The following MTA1 variants were observed in gnomAD, a reference collection of about 807,000 sequenced individuals.
The protein encoded by MTA1 is metastasis-associated protein MTA1.
A neutral mutation model predicts 97.0 loss-of-function variants in MTA1; 15 were observed. The ratio of observed to expected loss-of-function variants is 0.15; its 90% CI spans 0.10 to 0.24. MTA1 has a LOEUF of 0.24. MTA1 is among the 10% of genes least tolerant of loss of function. The probability of loss-of-function intolerance (pLI) is 1.00; values close to 1 mark genes in which losing one functional copy is unlikely to be tolerated. For synonymous variants in MTA1, 435 were observed against 417.5 expected, an observed-to-expected ratio of 1.04 and a Z score of -0.51; for missense variants, 709 against 1,015.1, an observed-to-expected ratio of 0.70 and a Z score of 4.10.
At position 105,470,158 on chromosome 14, in the gene MTA1, G is replaced by A. The variant is rs933442109; in HGVS notation, c.2091G>A (p.Pro697=). 9.9e-6 allele frequency: 16 copies of A among 1,610,036 alleles called. No individual in the cohort carries two copies. Among genetic ancestry groups the A allele is most frequent in the East Asian group, 6.7e-5 (3 of 44,830 alleles). ...PIALRQSQAL[P]PRPPPPAPVN... is the part of the protein sequence containing the mutation. ...CCCTGCGCCAGAGCCAGGCCCTGCC[G>A]CCGCGGCCACCGCCACCTGCGCCCG... Residue 697 remains proline (P), a synonymous_variant, in exon 21 of 21, where the codon CCG becomes CCA. Transcript: ENST00000331320.
chr14:105,469,287 C>T (rs587605972), intron 18 of MTA1, 180 bp from the exon 19 acceptor site: 197 of 662,330 alleles, frequency 3.0e-4, no homozygotes, highest in African/African-American at 2.9e-3. Context: ...GGCCACCAGG[C>T]GGCCCAGGAC....
At chr14:105,462,139 C>CGTGCCCAGGCGCGGTCTCGGGGGG (rs1555431184) in intron 10 of MTA1, among the ~76,000 whole-genome samples, 8 of 152,186 alleles carry the variant, frequency 5.3e-5, no homozygotes, top group Non-Finnish European at 1.2e-4. Context: ...GCTGCGGGGC[C>CGTGCCCAGGCGCGGTCTCGGGGGG]CTGTCCAGGT....
chr14:105,453,158 G>A (rs587753684), intron 6 of MTA1, among the ~76,000 whole-genome samples: 2 of 152,388 alleles, frequency 1.3e-5, no homozygotes, highest in South Asian at 2.1e-4. Context: ...GGGCCCTGGT[G>A]TGAGGTTGCC....
At chr14:105,466,847 G>A in intron 18 of MTA1, 105 bp downstream of exon 18, 1 of 1,203,710 alleles carries the variant, frequency 8.3e-7, no homozygotes. Flanking sequence ...CCATGCTTGG[G>A]GCAGTCCACG....
chr14:105,469,789 G>T lies in MTA1; in HGVS notation c.1846-52G>T, dbSNP rs995230357. ...CCTCCCAGCGGGAGCCCTGCAGGTTGAGGTGGAGCTGGCCCTTGGCTGGCT... is the reference window on the plus strand; with the variant it reads ...CCTCCCAGCGGGAGCCCTGCAGGTTTAGGTGGAGCTGGCCCTTGGCTGGCT... On this transcript the variant is annotated intron_variant, in intron 19 of 20. Coordinates refer to ENST00000331320, the MANE Select transcript of MTA1 (RefSeq NM_004689.4). The T allele has an allele frequency of 1.2e-4, 193 of 1,564,410 alleles. 4 individuals are homozygous for T. The Admixed American group carries it at 2.3e-3, about 19-fold the overall frequency.
At chr14:105,461,782 G>A (rs2083356295) in intron 10 of MTA1, among the ~76,000 whole-genome samples, 6 of 152,252 alleles carry the variant, frequency 3.9e-5, no homozygotes, top group Admixed American at 3.9e-4. Flanking sequence ...TCTGCTGGGG[G>A]CAGGAGTGCA....
intron 2 of MTA1, among the ~76,000 whole-genome samples, chr14:105,444,487 C>G (rs1406494657): frequency 6.6e-6 from 1 of 152,094 alleles, no homozygotes; most frequent in African/African-American, 2.4e-5. Context: ...GAGACCCTAT[C>G]TCAAAAAATT....
chr14:105,466,426 A>AGTGGG lies in MTA1; in HGVS notation c.1626_1627insTGGGG (p.Thr543TrpfsTer13). ...GTTCTGCCTGTGTCATTCCCGGCAG[A>AGTGGG]GACCCACCCCCGCCCCCCCAAGCCT... On this transcript the variant is annotated frameshift_variant and splice_region_variant, in exon 17 of 21. Coordinates refer to ENST00000331320, the MANE Select transcript of MTA1 (RefSeq NM_004689.4). LOFTEE classifies it high-confidence loss of function. 2.0e-6 allele frequency: 3 copies of AGTGGG among 1,484,214 alleles called. No individual in the cohort carries two copies. The highest frequency in any genetic ancestry group is 2.8e-6 in the Non-Finnish European group (3 of 1,071,312). 91.9% of individuals were successfully genotyped at this position (1,484,214 alleles called of 1,614,324 possible).
At chr14:105,445,380 G>A (rs199773122) in intron 2 of MTA1, 38 bp from the exon 3 acceptor site, 223 of 1,595,010 alleles carry the variant, frequency 1.4e-4, no homozygotes, top group Non-Finnish European at 1.9e-4. Context: ...GCCCGGGTTT[G>A]GTCGCGTTTC....
chr14:105,449,207 A>C (rs915920912), intron 3 of MTA1, 152 bp from the exon 4 acceptor site: 17 of 625,418 alleles, frequency 2.7e-5, no homozygotes, highest in African/African-American at 2.7e-4. Context: ...GATGATCTTC[A>C]ACCGGGTGGT....
At chr14:105,465,295 C>T in intron 16 of MTA1, 112 bp downstream of exon 16, 2 of 940,570 alleles carry the variant, frequency 2.1e-6, no homozygotes, top group Non-Finnish European at 3.0e-6. Context: ...CCTGGACAGC[C>T]CCCCAGGGCC....
chr14:105,445,977 C>A (rs2082705326), intron 3 of MTA1: 1 of 296,492 alleles, frequency 3.4e-6, no homozygotes. Flanking sequence ...ACGATTCAAA[C>A]CCAAGTTTAG....
rs587657077 is a variant in MTA1, at chr14:105,443,282, G to A, written c.97-2136G>A. ...GATGCGAAGGGGAGAGGAGATGCACGTCCCAAACAGAGGAATTCCACCCTC... is the reference window on the plus strand; with the variant it reads ...GATGCGAAGGGGAGAGGAGATGCACATCCCAAACAGAGGAATTCCACCCTC... On this transcript the variant is annotated intron_variant, in intron 2 of 20. Transcript: ENST00000331320. 4.8e-4 allele frequency among the ~76,000 whole-genome samples: 73 copies of A among 152,300 alleles called. No individual in the cohort carries two copies. The East Asian group carries it at 0.013, about 27-fold the overall frequency.
chr14:105,467,564 G>A (rs1250839285), intron 18 of MTA1: 4 of 444,830 alleles, frequency 9.0e-6, no homozygotes, highest in African/African-American at 4.0e-5. Flanking sequence ...ATCGGGTGCC[G>A]GGCCCCCCAT....
At chr14:105,468,988 G>T in intron 18 of MTA1, 1 of 342,252 alleles carries the variant, frequency 2.9e-6, no homozygotes, top group Admixed American at 4.0e-5. Flanking sequence ...CCCAGCCAGG[G>T]CAGTGGGTGG....
At chr14:105,466,173 G>A (rs899262042) in intron 16 of MTA1, 10 of 555,054 alleles carry the variant, frequency 1.8e-5, no homozygotes, top group African/African-American at 1.7e-4. Flanking sequence ...CCCCCGCCAG[G>A]TGGTCTCCCT....
intron 3 of MTA1, among the ~76,000 whole-genome samples, chr14:105,446,100 C>T (rs2082709578): frequency 6.6e-6 from 1 of 152,190 alleles, no homozygotes; most frequent in Non-Finnish European, 1.5e-5. Flanking sequence ...GGAACAGGTG[C>T]TCGCAGGTGG....
At chr14:105,452,645 G>A (rs587767418) in intron 6 of MTA1, among the ~76,000 whole-genome samples, 1 of 152,282 alleles carries the variant, frequency 6.6e-6, no homozygotes, top group Admixed American at 6.5e-5. Context: ...TCGCACCACT[G>A]TACTCTATCT....
At chr14:105,455,734 T>G (rs1194548166) in intron 7 of MTA1, among the ~76,000 whole-genome samples, 1 of 152,238 alleles carries the variant, frequency 6.6e-6, no homozygotes, top group East Asian at 1.9e-4. Flanking sequence ...TCCAGGCAGC[T>G]GTGGGCTCCA....
Sources: allele counts gnomAD v4.1 joint callset (sites outside exome capture counted in the v4.1 genomes callset), GRCh38; gene constraint gnomAD v4.1.1; transcripts MANE v1.5; gene names NCBI Gene and HGNC (gene_info 2026-07-23, HGNC 2026-07-21).